Variants in MAP3K5 observed in about 807,000 individuals in gnomAD.
The protein encoded by MAP3K5 is ASK-1.
A neutral mutation model predicts 158.7 loss-of-function variants in MAP3K5; 56 were observed. The ratio of observed to expected loss-of-function variants is 0.35; its 90% confidence interval spans 0.28 to 0.44. The LOEUF is 0.44. Ranked by LOEUF, MAP3K5 falls within the 20% of genes least tolerant of loss-of-function variation. The pLI, the probability that MAP3K5 is intolerant of heterozygous loss-of-function variation, is 1.00. For missense variants in MAP3K5, 1,294 were observed against 1,674.8 expected, an observed-to-expected ratio of 0.77 and a Z score of 3.97; for synonymous variants, 579 against 601.7, an observed-to-expected ratio of 0.96 and a Z score of 0.55.
chr6:136,566,061 AG>A (rs1206116300), intron 26 of MAP3K5, among the ~76,000 whole-genome samples: 3 of 152,164 alleles, frequency 2.0e-5, no homozygotes, highest in African/African-American at 7.2e-5. Flanking sequence ...CACTCAGAAG[AG>A]AAAGGGGAAG....
intron 26 of MAP3K5, among the ~76,000 whole-genome samples, chr6:136,565,331 T>A (rs896738766): frequency 6.6e-6 from 1 of 152,236 alleles, no homozygotes; most frequent in African/African-American, 2.4e-5. Context: ...TGAGGTCAAT[T>A]TTTAACCTTG....
chr6:136,729,455 T>A (rs1159762213), intron 1 of MAP3K5, among the ~76,000 whole-genome samples: 1 of 152,182 alleles, frequency 6.6e-6, no homozygotes, highest in African/African-American at 2.4e-5. Context: ...AAACTCACCA[T>A]GAATGGTAAT....
At chr6:136,680,784 C>A (rs1354067269) in intron 7 of MAP3K5, among the ~76,000 whole-genome samples, 3 of 152,206 alleles carry the variant, frequency 2.0e-5, no homozygotes, top group African/African-American at 7.2e-5. Flanking sequence ...TGTACACTTA[C>A]TCTTGCAATA....
intron 28 of MAP3K5, 90 bp from the exon 29 acceptor site, chr6:136,558,966 T>C (rs748358795): frequency 4.2e-6 from 3 of 718,968 alleles, no homozygotes; most frequent in Non-Finnish European, 7.3e-6. Context: ...TTGACTATAA[T>C]TAAAAATGAA....
intron 2 of MAP3K5, among the ~76,000 whole-genome samples, chr6:136,707,677 C>T (rs1781139195): frequency 6.6e-6 from 1 of 152,178 alleles, no homozygotes; most frequent in Non-Finnish European, 1.5e-5. Flanking sequence ...GCTTTGAATG[C>T]TACAATCAAG....
At position 136,623,284 on chromosome 6, in the gene MAP3K5, G is replaced by C. The variant is rs531153435; in HGVS notation, c.2017-303C>G. On this transcript the variant is annotated intron_variant, in intron 14 of 29. Transcript: ENST00000359015. ...TCAGTCCTGTTTTTCATTGATTCTG[G>C]AGATCAGTGAAACAGTGTATAACTA... Among the ~76,000 whole-genome samples the C allele has an allele frequency of 6.1e-4, 93 of 152,246 alleles. 3 individuals are homozygous for C. The South Asian group carries it at 0.016, about 26-fold the overall frequency.
intron 1 of MAP3K5, among the ~76,000 whole-genome samples, chr6:136,753,222 A>G (rs1783303025): frequency 6.6e-6 from 1 of 152,348 alleles, no homozygotes; most frequent in South Asian, 2.1e-4. Context: ...ACATGGGAAG[A>G]CTGTATTTAA....
At chr6:136,681,210 G>T (rs1475823548) in intron 7 of MAP3K5, among the ~76,000 whole-genome samples, 1 of 152,094 alleles carries the variant, frequency 6.6e-6, no homozygotes, top group South Asian at 2.1e-4. Flanking sequence ...TCAGTATAAT[G>T]CCTGGCAAAT....
At chr6:136,638,507 G>A (rs1777758380) in intron 13 of MAP3K5, among the ~76,000 whole-genome samples, 1 of 152,092 alleles carries the variant, frequency 6.6e-6, no homozygotes. Flanking sequence ...ATCTAATAGG[G>A]TTTCTTTGAA....
At chr6:136,583,489 T>A in intron 24 of MAP3K5, 66 bp downstream of exon 24, 2 of 1,383,754 alleles carry the variant, frequency 1.4e-6, no homozygotes, top group Non-Finnish European at 2.0e-6. Flanking sequence ...ACAGAACTTA[T>A]GTTTTATCTT....
chr6:136,746,637 TC>T (rs561317409), intron 1 of MAP3K5, among the ~76,000 whole-genome samples: 103 of 152,238 alleles, frequency 6.8e-4, no homozygotes, highest in African/African-American at 2.4e-3. Context: ...CTATGTATAA[TC>T]ATGGTTTAAC....
At chr6:136,759,409 A>C (rs983730536) in intron 1 of MAP3K5, among the ~76,000 whole-genome samples, 3 of 147,692 alleles carry the variant, frequency 2.0e-5, no homozygotes, top group Non-Finnish European at 4.5e-5. Flanking sequence ...ATCCTGAGAA[A>C]ATCTTCAAAG....
chr6:136,638,286 G>A (rs752114877), intron 13 of MAP3K5, among the ~76,000 whole-genome samples: 20 of 152,276 alleles, frequency 1.3e-4, no homozygotes, highest in Middle Eastern at 3.4e-3. Context: ...AGCCACTCAT[G>A]CAAAAATTTT....
chr6:136,648,535 T>A (rs1411938774), intron 11 of MAP3K5, among the ~76,000 whole-genome samples: 1 of 152,216 alleles, frequency 6.6e-6, no homozygotes, highest in African/African-American at 2.4e-5. Context: ...ATGCTTATTA[T>A]GTAATTTCAT....
At chr6:136,773,189 C>G (rs769880044) in intron 1 of MAP3K5, among the ~76,000 whole-genome samples, 8 of 152,200 alleles carry the variant, frequency 5.3e-5, no homozygotes, top group Non-Finnish European at 1.2e-4. Flanking sequence ...CACCTGAGCC[C>G]ACAAAGGCCT....
chr6:136,745,734 G>A (rs577532138), intron 1 of MAP3K5, among the ~76,000 whole-genome samples: 6 of 152,282 alleles, frequency 3.9e-5, no homozygotes, highest in African/African-American at 1.4e-4. Context: ...CACAGAAGAA[G>A]GGCCCGTGGA....
chr6:136,558,205 C>T (rs531319011), intron 29 of MAP3K5, among the ~76,000 whole-genome samples: 77 of 152,100 alleles, frequency 5.1e-4, no homozygotes, highest in Non-Finnish European at 8.4e-4. Context: ...AGTGAAACCC[C>T]GTCTCTACTA....
At chr6:136,781,348 G>A (rs1784605615) in intron 1 of MAP3K5, among the ~76,000 whole-genome samples, 1 of 152,216 alleles carries the variant, frequency 6.6e-6, no homozygotes, top group Non-Finnish European at 1.5e-5. Context: ...TGATTAAGAT[G>A]TCACTAAAAT....
chr6:136,733,522 A>G (rs1374675368), intron 1 of MAP3K5, among the ~76,000 whole-genome samples: 1 of 152,250 alleles, frequency 6.6e-6, no homozygotes, highest in Non-Finnish European at 1.5e-5. Context: ...GAAAAGTACA[A>G]ATAGGTCCTA....
Sources: allele counts gnomAD v4.1 joint callset (sites outside exome capture counted in the v4.1 genomes callset), GRCh38; gene constraint gnomAD v4.1.1; transcripts MANE v1.5; gene names NCBI Gene and HGNC (gene_info 2026-07-23, HGNC 2026-07-21).